PITPNM1: variants seen among roughly 807,000 people sequenced by gnomAD.
PITPNM1 encodes the protein phosphatidylinositol transfer protein membrane associated 1.
PITPNM1 carries 74 observed loss-of-function variants against 133.3 expected under a neutral mutation model. That is an observed-to-expected ratio of 0.56 (90% CI 0.46 to 0.67). The LOEUF (loss-of-function observed/expected upper bound fraction) is 0.67, where lower values mean the gene tolerates loss of function less well. PITPNM1 is among the 30% of genes least tolerant of loss of function. The pLI, the probability that PITPNM1 is intolerant of heterozygous loss-of-function variation, is 0.00. For missense variants in PITPNM1, 1,398 were observed against 1,739.5 expected (o/e 0.80, Z 3.49); for synonymous variants, 738 against 741.4 (o/e 1.00, Z 0.08).
chr11:67,499,688 G>A (rs1866258102), intron 8 of PITPNM1, 35 bp downstream of exon 8: 1 of 1,188,010 alleles, frequency 8.4e-7, no homozygotes, highest in Non-Finnish European at 1.2e-6. Flanking sequence ...CTGTACACGG[G>A]TGCTGGGGGC....
In PITPNM1 at chr11:67,499,789, T is replaced by G. The variant is rs1277881132; in HGVS notation, c.1105A>C (p.Thr369Pro). The change falls in exon 8 of 24, where the codon ACC (threonine) becomes CCC (proline). Residue 369 changes from threonine to proline, a missense_variant. By Grantham distance (38) the Thr-to-Pro change is conservative. Coordinates refer to ENST00000356404, the MANE Select transcript of PITPNM1 (RefSeq NM_004910.3). Reference protein sequence around the residue: ...DSEEVFPKEMTKWNSNDFIDA... With the variant: ...DSEEVFPKEMPKWNSNDFIDA... ...ATGAAGTCATTGGAGTTCCACTTGG[T>G]CATCTCCTTGGGGAAGACCTCCTCA... is the stretch of plus-strand genomic sequence containing the variant. The G allele has an allele frequency of 6.5e-7, 1 of 1,535,042 alleles. No individual in the cohort carries two copies. Among genetic ancestry groups the G allele is most frequent in the Non-Finnish European group, 8.8e-7 (1 of 1,136,644 alleles).
rs560518491 is a variant in PITPNM1 at position 67,497,392 on chromosome 11, C to G, written c.1985G>C (p.Arg662Pro). The change falls in exon 14 of 24, where the codon CGG becomes CCG. Residue 662 changes from arginine to proline, a missense_variant. Coordinates refer to ENST00000356404, the MANE Select transcript of PITPNM1 (RefSeq NM_004910.3). ...PATTSSWEPR[R>P]ASTAFCPPAA... ...GGGTGGGCAGAAGGCCGTGCTTGCC[C>G]GCCGGGGCTCCCAGGAGGAGGTGGT... 1 of 1,590,530 alleles carries G rather than the reference C, an allele frequency of 6.3e-7. No homozygotes were observed. The highest frequency in any genetic ancestry group is 2.2e-5 in the East Asian group (1 of 44,448).
Position 67,504,435 on chromosome 11 carries a change from C to G in PITPNM1, c.-41-214G>C, listed in dbSNP as rs1251435939. ...TCTTTTCCGCGCAGCCCCCGCCCCCCGCCCGCCCGTCGCCATGGCAACCGC... is the reference window on the plus strand; with the variant it reads ...TCTTTTCCGCGCAGCCCCCGCCCCCGGCCCGCCCGTCGCCATGGCAACCGC... On this transcript the variant is annotated intron_variant, in intron 1 of 23. Transcript: ENST00000356404. This position sits in a 1 kb window ranked among gnomAD's most constrained non-coding sequence, Gnocchi z 5.4. 2.4e-5 allele frequency: 4 copies of G among 169,430 alleles called. No individual in the cohort carries two copies. The Admixed American group carries it at 2.5e-4, about 11-fold the overall frequency. 10.5% of individuals were successfully genotyped at this position (169,430 alleles called of 1,614,324 possible). A position where few individuals can be genotyped will look rare whatever the true frequency, so the allele number is the denominator to read the frequency against.
chr11:67,493,163 GCAGA>G, intron 22 of PITPNM1, 101 bp from the exon 23 acceptor site: 1 of 1,407,624 alleles, frequency 7.1e-7, no homozygotes, highest in Non-Finnish European at 9.9e-7. Context: ...GTGGGTCCAG[GCAGA>G]CGGAGGCGAA....
rs1226196242 is a variant in PITPNM1, at chr11:67,493,909, C to T, written c.3008+13G>A. On this transcript the variant is annotated intron_variant, in intron 20 of 23. Transcript: ENST00000356404. Reference sequence around the variant, plus strand: ...CGGAGCCCTCCCGCAGAGGCCCGGCCAGCCGCGCTCACCTGACCACCATGC... The same window carrying T: ...CGGAGCCCTCCCGCAGAGGCCCGGCTAGCCGCGCTCACCTGACCACCATGC... 1.2e-5 allele frequency: 19 copies of T among 1,535,318 alleles called. No individual in the cohort carries two copies. The highest frequency in any genetic ancestry group is 4.6e-5 in the East Asian group (2 of 43,042).
chr11:67,505,501 C>T, upstream of PITPNM1: 1 of 152,382 alleles, frequency 6.6e-6, no homozygotes, highest in Non-Finnish European at 1.5e-5. The surrounding 1 kb of genome is among the most constrained non-coding windows in gnomAD (Gnocchi z 5.8). Flanking sequence ...CCCCTGCCTT[C>T]CTTCCCCCGG....
At chr11:67,495,641 G>T (rs1212962316) in intron 15 of PITPNM1, 39 bp from the exon 16 acceptor site, 5 of 1,511,938 alleles carry the variant, frequency 3.3e-6, no homozygotes, top group Non-Finnish European at 4.4e-6. Context: ...GGCCGGCCAG[G>T]TGGCTCTCCT....
At position 67,491,883 on chromosome 11, in the gene PITPNM1, G is replaced by GT; in HGVS notation, c.*149dup. 1 of 864,970 alleles carries GT rather than the reference G, an allele frequency of 1.2e-6. No individual in the cohort carries two copies. The highest frequency in any genetic ancestry group is 1.7e-6 in the Non-Finnish European group (1 of 576,348). The allele number at this position is 864,970 out of a possible 1,614,324, so 53.6% of individuals were successfully genotyped here. A position where few individuals can be genotyped will look rare whatever the true frequency, so the allele number is the denominator to read the frequency against. ...CTGGGTCCCCTCATATGAAAGGGAAGTAACACCGAGGAGCACACGGAGATA... is the reference window on the plus strand; with the variant it reads ...CTGGGTCCCCTCATATGAAAGGGAAGTTAACACCGAGGAGCACACGGAGATA... On this transcript the variant is annotated 3_prime_UTR_variant, in exon 24 of 24. Coordinates refer to ENST00000356404, the MANE Select transcript of PITPNM1 (RefSeq NM_004910.3).
Position 67,491,837 on chromosome 11 carries a change from C to T in PITPNM1, c.*196G>A, listed in dbSNP as rs564586654. 6 of 625,828 alleles carry T rather than the reference C, an allele frequency of 9.6e-6. No individual in the cohort carries two copies. Among genetic ancestry groups the T allele is most frequent in the African/African-American group, 9.2e-5 (5 of 54,260 alleles). 38.8% of individuals were successfully genotyped at this position (625,828 alleles called of 1,614,324 possible). ...AAAAGCCTCTGCGCCCATGCCCACGCCCTCCTCCCTCCCCCCGGCGCTGGG... is the reference window on the plus strand; with the variant it reads ...AAAAGCCTCTGCGCCCATGCCCACGTCCTCCTCCCTCCCCCCGGCGCTGGG... On this transcript the variant is annotated 3_prime_UTR_variant, in exon 24 of 24. Coordinates refer to ENST00000356404, the MANE Select transcript of PITPNM1 (RefSeq NM_004910.3).
chr11:67,502,858 C>A lies in PITPNM1; in HGVS notation c.79-140G>T, dbSNP rs1866381364. 1 of 771,122 alleles carries A rather than the reference C, an allele frequency of 1.3e-6. No individual in the cohort carries two copies. Among genetic ancestry groups the A allele is most frequent in the Non-Finnish European group, 2.1e-6 (1 of 485,178 alleles). The allele number at this position is 771,122 out of a possible 1,614,324, so 47.8% of individuals were successfully genotyped here. The stretch of plus-strand genomic sequence containing the variant: ...TCCCTGAAACCAGACCCCGCCCCAC[C>A]AAAGCTCCCTGGGATCAGAATCACA... On this transcript the variant is annotated intron_variant, in intron 2 of 23. Coordinates refer to ENST00000356404, the MANE Select transcript of PITPNM1 (RefSeq NM_004910.3). The surrounding 1 kb of genome is among the most constrained non-coding windows in gnomAD (Gnocchi z 5.9).
At position 67,503,106 on chromosome 11, in the gene PITPNM1, G is replaced by A. The variant is rs939231655; in HGVS notation, c.79-388C>T. Among the ~76,000 whole-genome samples the A allele has an allele frequency of 2.0e-5, 3 of 152,246 alleles. No individual in the cohort carries two copies. In the East Asian group the frequency reaches 5.8e-4, roughly 29 times the overall value. On this transcript the variant is annotated intron_variant, in intron 2 of 23. Coordinates refer to ENST00000356404, the MANE Select transcript of PITPNM1 (RefSeq NM_004910.3). ...TATGTGGTGTGTTAGAAGGCGCTAG[G>A]TGCTATAGGAAAAGAAAGCCTAGAG...
At position 67,495,535 on chromosome 11, in the gene PITPNM1, G is replaced by A. The variant is rs1214900878; in HGVS notation, c.2385C>T (p.Pro795=). ...EELEMLVPST[P]TSTSGAFWKG... Reference sequence around the variant, plus strand: ...TCCAGAAGGCACCGCTAGTAGAGGTGGGTGTTGAGGGCACCAGCATCTCCA... The same window carrying A: ...TCCAGAAGGCACCGCTAGTAGAGGTAGGTGTTGAGGGCACCAGCATCTCCA... The change falls in exon 16 of 24, where the codon CCC becomes CCT. Residue 795 remains proline, a synonymous_variant. Coordinates refer to ENST00000356404, the MANE Select transcript of PITPNM1 (RefSeq NM_004910.3). 6.3e-7 allele frequency: 1 copy of A among 1,589,294 alleles called. No homozygotes were observed. The highest frequency in any genetic ancestry group is 8.5e-7 in the Non-Finnish European group (1 of 1,170,860).
intron 12 of PITPNM1, 83 bp from the exon 13 acceptor site, chr11:67,497,762 G>T (rs1866176776): frequency 7.0e-6 from 11 of 1,565,464 alleles, no homozygotes; most frequent in Non-Finnish European, 8.7e-6. Context: ...AGCGAGGCTT[G>T]GGGGTTGGGC....
In PITPNM1 at chr11:67,500,217, G is replaced by C; in HGVS notation, c.845C>G (p.Ala282Gly). Reference protein sequence around the residue: ...GKPSTEARSAASNTGTPDGPE... With the variant: ...GKPSTEARSAGSNTGTPDGPE... The stretch of plus-strand genomic sequence containing the variant: ...CCCATCGGGGGTGCCAGTGTTGCTG[G>C]CCGCAGACCGGGCCTCGGTGCTCGG... The change falls in exon 6 of 24, where the codon GCC (alanine) becomes GGC (glycine). Residue 282 changes from alanine to glycine, a missense_variant. Ala to Gly is a moderately conservative substitution (Grantham distance 60). This residue lies in a region of PITPNM1 where 195 missense variants were observed against 178.8 expected (regional missense o/e 1.09). Coordinates refer to ENST00000356404, the MANE Select transcript of PITPNM1 (RefSeq NM_004910.3). 1.9e-6 allele frequency: 3 copies of C among 1,604,004 alleles called. No homozygotes were observed. The highest frequency in any genetic ancestry group is 2.5e-6 in the Non-Finnish European group (3 of 1,179,412).
At position 67,493,391 on chromosome 11, in the gene PITPNM1, C is replaced by G. The variant is rs1866000286; in HGVS notation, c.3342+19G>C. 2 of 1,550,926 alleles carry G rather than the reference C, an allele frequency of 1.3e-6. No homozygotes were observed. The highest frequency in any genetic ancestry group is 1.7e-6 in the Non-Finnish European group (2 of 1,143,416). ...GCGGGGGCGGGGTCAGGACCCGGAGCCTCCCCCAGCCGCCGCACCTCCTGC... is the reference window on the plus strand; with the variant it reads ...GCGGGGGCGGGGTCAGGACCCGGAGGCTCCCCCAGCCGCCGCACCTCCTGC... On this transcript the variant is annotated intron_variant, in intron 22 of 23. Coordinates refer to ENST00000356404, the MANE Select transcript of PITPNM1 (RefSeq NM_004910.3).
chr11:67,497,803 G>A (rs2134298059), intron 12 of PITPNM1, 114 bp downstream of exon 12: 2 of 1,466,116 alleles, frequency 1.4e-6, no homozygotes, highest in East Asian at 2.3e-5. Flanking sequence ...ACATGAACTG[G>A]CAGGGCAGCA....
upstream of PITPNM1, among the ~76,000 whole-genome samples, chr11:67,505,527 C>T (rs932001742): frequency 6.6e-6 from 1 of 152,174 alleles, no homozygotes; most frequent in Non-Finnish European, 1.5e-5. This position sits in a 1 kb window ranked among gnomAD's most constrained non-coding sequence, Gnocchi z 5.8. Context: ...GGGAAAAAGG[C>T]CATTGCCTAA....
At position 67,502,112 on chromosome 11, in the gene PITPNM1, C is replaced by T; in HGVS notation, c.416-26G>A. ...CTGAGGGAGTTCGGCAAGCATTGAGCAGCGCCAGCCCCTTTGAGCCCCCGC... is the reference window on the plus strand; with the variant it reads ...CTGAGGGAGTTCGGCAAGCATTGAGTAGCGCCAGCCCCTTTGAGCCCCCGC... On this transcript the variant is annotated intron_variant, in intron 4 of 23. Coordinates refer to ENST00000356404, the MANE Select transcript of PITPNM1 (RefSeq NM_004910.3). This position sits in a 1 kb window ranked among gnomAD's most constrained non-coding sequence, Gnocchi z 5.9. 1 of 1,598,642 alleles carries T rather than the reference C, an allele frequency of 6.3e-7. No homozygotes were observed. The highest frequency in any genetic ancestry group is 1.1e-5 in the South Asian group (1 of 90,266).
In PITPNM1 at chr11:67,494,964, G is replaced by T. The variant is rs1187532473; in HGVS notation, c.2632-8C>A. ...CCGCTCCTTCTCGATCACCTGCACG[G>T]GACAGGGGGCGAGGCCTCTGTCTCT... On this transcript the variant is annotated splice_region_variant and splice_polypyrimidine_tract_variant and intron_variant, in intron 17 of 23. Transcript: ENST00000356404. The T allele has an allele frequency of 6.2e-7, 1 of 1,611,352 alleles. No individual in the cohort carries two copies. Among genetic ancestry groups the T allele is most frequent in the South Asian group, 1.1e-5 (1 of 91,062 alleles).
Sources: allele counts gnomAD v4.1 joint callset (sites outside exome capture counted in the v4.1 genomes callset), GRCh38; gene constraint gnomAD v4.1.1; regional missense constraint gnomAD v4.1.1; non-coding constraint Gnocchi (gnomAD v3.1); transcripts MANE v1.5; gene names NCBI Gene and HGNC (gene_info 2026-07-23, HGNC 2026-07-21).